The following AGBL4 variants were observed in gnomAD, a reference collection of about 807,000 sequenced individuals.
AGBL4 encodes cytosolic carboxypeptidase 6.
Under a neutral mutation model 66.4 loss-of-function variants are expected in AGBL4, and 58 were observed. The observed-to-expected ratio is 0.87, with a 90% CI of 0.71 to 1.09. The LOEUF is 1.09. Ranked by LOEUF, AGBL4 falls within the 50% of genes least tolerant of loss-of-function variation. AGBL4 has a pLI of 0.00. For synonymous variants in AGBL4, 234 were observed against 222.9 expected (o/e 1.05, Z -0.44); for missense variants, 579 against 631.0 (o/e 0.92, Z 0.88).
chr1:49,033,690 C>T (rs767900491), intron 5 of AGBL4, among the ~76,000 whole-genome samples: 2 of 152,076 alleles, frequency 1.3e-5, no homozygotes, highest in Non-Finnish European at 2.9e-5. Context: ...ATCTTCAACT[C>T]TTCCAGATAT....
chr1:49,065,071 T>G (rs1301886697), intron 4 of AGBL4, among the ~76,000 whole-genome samples: 1 of 152,184 alleles, frequency 6.6e-6, no homozygotes, highest in African/African-American at 2.4e-5. Flanking sequence ...ATTTTACCTC[T>G]ATGTAGGAGT....
chr1:48,598,806 C>T (rs1341492718), intron 9 of AGBL4, among the ~76,000 whole-genome samples: 18 of 151,944 alleles, frequency 1.2e-4, no homozygotes, highest in Admixed American at 1.2e-3. Context: ...CATTTTAGTT[C>T]TTCAATAATA....
At chr1:49,960,961 A>G (rs1657073984) in intron 1 of AGBL4, among the ~76,000 whole-genome samples, 1 of 152,052 alleles carries the variant, frequency 6.6e-6, no homozygotes, top group Non-Finnish European at 1.5e-5. Flanking sequence ...AGTATTTAAT[A>G]GAGTGTAAAG....
intron 9 of AGBL4, among the ~76,000 whole-genome samples, chr1:48,610,057 T>A (rs974112145): frequency 4.6e-5 from 7 of 152,222 alleles, no homozygotes; most frequent in African/African-American, 1.7e-4. Context: ...GGTTTCTTCA[T>A]CTCTGAAATA....
At chr1:49,261,841 C>G (rs2148363893) in intron 3 of AGBL4, among the ~76,000 whole-genome samples, 1 of 149,524 alleles carries the variant, frequency 6.7e-6, no homozygotes, top group African/African-American at 2.5e-5. Flanking sequence ...AAAAAGAGCC[C>G]ACATCGCCAA....
At chr1:48,967,522 CA>C (rs1173283485) in intron 5 of AGBL4, among the ~76,000 whole-genome samples, 7 of 152,134 alleles carry the variant, frequency 4.6e-5, no homozygotes, top group African/African-American at 1.7e-4. Context: ...TGCATGATTG[CA>C]AGATTGCATG....
intron 3 of AGBL4, among the ~76,000 whole-genome samples, chr1:49,290,306 A>C (rs1461553378): frequency 6.6e-6 from 1 of 152,204 alleles, no homozygotes; most frequent in Non-Finnish European, 1.5e-5. Flanking sequence ...TTAGTCTGCC[A>C]CGTATTTCCT....
chr1:48,894,490 G>T (rs6657415), intron 5 of AGBL4, among the ~76,000 whole-genome samples: 50,334 of 151,910 alleles, frequency 0.33, 8,819 homozygotes, highest in East Asian at 0.71. Flanking sequence ...AAATGCTAAT[G>T]ATTGGGAATT....
chr1:49,786,376 T>G (rs948718183), intron 2 of AGBL4, among the ~76,000 whole-genome samples: 19 of 152,138 alleles, frequency 1.2e-4, no homozygotes, highest in Non-Finnish European at 4.4e-5. Flanking sequence ...TCCCACAGTT[T>G]CTATGGGTCT....
chr1:48,924,681 A>G (rs954365963), intron 5 of AGBL4, among the ~76,000 whole-genome samples: 2 of 152,178 alleles, frequency 1.3e-5, no homozygotes, highest in African/African-American at 4.8e-5. Context: ...ATCAATTAAT[A>G]TACATATCCA....
chr1:49,961,918 C>T (rs1174274063), intron 1 of AGBL4, among the ~76,000 whole-genome samples: 2 of 152,094 alleles, frequency 1.3e-5, no homozygotes, highest in African/African-American at 4.8e-5. Flanking sequence ...TCAACACTAA[C>T]CAGAAAATAT....
chr1:49,021,788 C>G (rs1475889565), intron 5 of AGBL4, among the ~76,000 whole-genome samples: 3 of 152,180 alleles, frequency 2.0e-5, no homozygotes, highest in Admixed American at 1.3e-4. Context: ...AGGTCACGCT[C>G]CTAGGAACTT....
At chr1:49,666,985 G>T (rs1403900633) in intron 3 of AGBL4, among the ~76,000 whole-genome samples, 1 of 152,066 alleles carries the variant, frequency 6.6e-6, no homozygotes, top group Non-Finnish European at 1.5e-5. Flanking sequence ...AGAAGACCTG[G>T]ATTATTGACC....
intron 3 of AGBL4, among the ~76,000 whole-genome samples, chr1:49,624,818 A>G (rs918603741): frequency 1.3e-5 from 2 of 152,240 alleles, no homozygotes; most frequent in Non-Finnish European, 2.9e-5. Flanking sequence ...TCCATGTGAG[A>G]AAATAATTCC....
chr1:49,103,665 C>A (rs917190360), intron 4 of AGBL4, among the ~76,000 whole-genome samples: 4 of 152,162 alleles, frequency 2.6e-5, no homozygotes, highest in Non-Finnish European at 4.4e-5. Context: ...CTGCTCCCTC[C>A]AAATCCTTAT....
intron 6 of AGBL4, among the ~76,000 whole-genome samples, chr1:48,859,838 T>A (rs1647327376): frequency 6.6e-6 from 1 of 152,226 alleles, no homozygotes; most frequent in Non-Finnish European, 1.5e-5. Context: ...CCAAAATTTT[T>A]ATATAAGAAT....
chr1:49,142,620 G>A (rs1031157640), intron 4 of AGBL4, among the ~76,000 whole-genome samples: 2 of 152,028 alleles, frequency 1.3e-5, no homozygotes, highest in Non-Finnish European at 2.9e-5. Flanking sequence ...TTTCTCCTAT[G>A]TCTATGTCTA....
At chr1:48,558,106 T>C (rs1016421341) in intron 11 of AGBL4, among the ~76,000 whole-genome samples, 7 of 152,228 alleles carry the variant, frequency 4.6e-5, no homozygotes, top group African/African-American at 1.7e-4. Context: ...AACAAGAGTA[T>C]TGTGTAGACT....
intron 1 of AGBL4, among the ~76,000 whole-genome samples, chr1:49,934,448 T>C (rs1190206167): frequency 6.6e-6 from 1 of 152,188 alleles, no homozygotes; most frequent in Non-Finnish European, 1.5e-5. Flanking sequence ...AGGTGTCTTT[T>C]ACAACCACAA....
Sources: allele counts gnomAD v4.1 joint callset (sites outside exome capture counted in the v4.1 genomes callset), GRCh38; gene constraint gnomAD v4.1.1; transcripts MANE v1.5; gene names NCBI Gene and HGNC (gene_info 2026-07-23, HGNC 2026-07-21).